The following HSPA4L variants were observed in gnomAD, a reference collection of about 807,000 sequenced individuals.
HSPA4L encodes heat shock protein family A (Hsp70) member 4 like, also known as heat shock 70 kDa protein 4L.
In HSPA4L, 48 loss-of-function variants were observed where a neutral mutation model predicts 100.3. That is an observed-to-expected ratio of 0.48 (90% CI 0.38 to 0.61). The LOEUF is 0.61. Ranked by LOEUF, HSPA4L falls within the 20% of genes least tolerant of loss-of-function variation. The pLI is 0.00. For missense variants in HSPA4L, 886 were observed against 988.6 expected (o/e 0.90, Z 1.39); for synonymous variants, 319 against 328.2 (o/e 0.97, Z 0.30).
intron 1 of HSPA4L, among the ~76,000 whole-genome samples, chr4:127,784,215 T>A (rs925549293): frequency 4.6e-5 from 7 of 152,354 alleles, no homozygotes; most frequent in African/African-American, 1.7e-4. Context: ...ACTCTCAACC[T>A]ATAGAGAAAA....
At chr4:127,799,738 G>A (rs187940871) in intron 4 of HSPA4L, among the ~76,000 whole-genome samples, 1 of 152,152 alleles carries the variant, frequency 6.6e-6, no homozygotes, top group Non-Finnish European at 1.5e-5. Flanking sequence ...TATTAACTTT[G>A]TGGTTGGTGC....
chr4:127,816,508 G>A (rs1487044061), intron 12 of HSPA4L, among the ~76,000 whole-genome samples: 1 of 152,082 alleles, frequency 6.6e-6, no homozygotes, highest in Non-Finnish European at 1.5e-5. Flanking sequence ...CTAGTGGCAT[G>A]ACTAGATAGT....
At position 127,836,999 on chromosome 4, in the gene HSPA4L, G is replaced by A. The variant is rs1578731154; in HGVS notation, c.*4125G>A. On this transcript the variant is annotated 3_prime_UTR_variant, in exon 19 of 19. Transcript: ENST00000296464. ...TTTGTTACCCAGGCTGGATTGCAAT[G>A]GGGTGATCTAGGCTCACTGCAGCCT... 6.6e-6 allele frequency: 1 copy of A among 151,846 alleles called. No individual in the cohort carries two copies. Among genetic ancestry groups the A allele is most frequent in the African/African-American group, 2.4e-5 (1 of 41,320 alleles). 9.4% of individuals were successfully genotyped at this position (151,846 alleles called of 1,614,324 possible).
At chr4:127,819,457 TCTGA>T (rs367549286) in intron 13 of HSPA4L, among the ~76,000 whole-genome samples, 23 of 152,326 alleles carry the variant, frequency 1.5e-4, no homozygotes, top group South Asian at 1.4e-3. Flanking sequence ...AAACTTTTTT[TCTGA>T]CTTTTTCAAA....
rs1033733325 is a variant in HSPA4L, at chr4:127,832,708, T to C, written c.2354T>C (p.Ile785Thr). The change falls in exon 19 of 19, where the codon ATC (isoleucine) becomes ACC (threonine). Residue 785 changes from isoleucine to threonine, a missense_variant. Physicochemically the swap from Ile to Thr is moderately conservative, Grantham distance 89. Transcript: ENST00000296464. ...SKELDNFCNP[I>T]IYKPKPKAEV... ...GAACTGGATAATTTCTGTAACCCCA[T>C]CATTTACAAGCCCAAACCAAAAGCA... 1 of 1,611,344 alleles carries C rather than the reference T, an allele frequency of 6.2e-7. No homozygotes were observed. The highest frequency in any genetic ancestry group is 8.5e-7 in the Non-Finnish European group (1 of 1,178,786).
chr4:127,783,814 A>G (rs912280203), intron 1 of HSPA4L: 14 of 736,088 alleles, frequency 1.9e-5, no homozygotes, highest in Non-Finnish European at 3.0e-5. Context: ...AAAATATGGC[A>G]AAAAGATGTT....
At chr4:127,803,901 G>T (rs542616161) in intron 7 of HSPA4L, 28 bp downstream of exon 7, 2 of 1,609,856 alleles carry the variant, frequency 1.2e-6, no homozygotes, top group Admixed American at 1.7e-5. Flanking sequence ...AGTTTGAAAA[G>T]TGTTTACTTA....
chr4:127,798,769 T>C, intron 4 of HSPA4L, 60 bp downstream of exon 4: 1 of 1,485,348 alleles, frequency 6.7e-7, no homozygotes, highest in South Asian at 1.2e-5. Context: ...ATTAATGTAA[T>C]ATTGAAAGAT....
chr4:127,784,853 C>G (rs1437399638), intron 1 of HSPA4L, among the ~76,000 whole-genome samples: 1 of 152,190 alleles, frequency 6.6e-6, no homozygotes, highest in Non-Finnish European at 1.5e-5. Context: ...TTTAATAACA[C>G]ACATAAATAA....
chr4:127,833,968 T>C lies in HSPA4L; in HGVS notation c.*1094T>C, dbSNP rs1734149026. ...AAATATAGAATGTTACATAGTGTTG[T>C]GTGATTAAATTATAGTTCCTGCTGT... On this transcript the variant is annotated 3_prime_UTR_variant, in exon 19 of 19. Transcript: ENST00000296464. The C allele has an allele frequency of 6.6e-6, 1 of 152,176 alleles. No individual in the cohort carries two copies. The highest frequency in any genetic ancestry group is 6.5e-5 in the Admixed American group (1 of 15,282). The allele number at this position is 152,176 out of a possible 1,614,324, so 9.4% of individuals were successfully genotyped here.
At chr4:127,809,379 C>T in intron 11 of HSPA4L, 1 of 1,204,930 alleles carries the variant, frequency 8.3e-7, no homozygotes, top group Non-Finnish European at 1.2e-6. Flanking sequence ...GGCAGCTTTG[C>T]AGCATGCTCA....
intron 17 of HSPA4L, among the ~76,000 whole-genome samples, chr4:127,830,039 C>T (rs1273965328): frequency 6.6e-6 from 1 of 151,994 alleles, no homozygotes; most frequent in Non-Finnish European, 1.5e-5. Flanking sequence ...CATCACCATC[C>T]TCCCACTTCT....
chr4:127,814,798 C>T (rs1733630021), intron 12 of HSPA4L, among the ~76,000 whole-genome samples: 1 of 152,138 alleles, frequency 6.6e-6, no homozygotes, highest in African/African-American at 2.4e-5. Context: ...AACTCCTGAC[C>T]TTGTGATCCA....
chr4:127,799,124 T>C (rs1273953139), intron 4 of HSPA4L, among the ~76,000 whole-genome samples: 1 of 152,146 alleles, frequency 6.6e-6, no homozygotes, highest in African/African-American at 2.4e-5. Context: ...TACCGTCTTA[T>C]CTCTTGAGGT....
intron 4 of HSPA4L, 82 bp from the exon 5 acceptor site, chr4:127,801,056 T>C (rs1156801356): frequency 1.8e-5 from 18 of 983,374 alleles, no homozygotes; most frequent in Non-Finnish European, 2.7e-5. Context: ...AAACTGTACA[T>C]AAGTTTTAGG....
rs72681846 is a variant in HSPA4L at position 127,803,997 on chromosome 4, C to G, written c.909-14C>G. The G allele has an allele frequency of 4.4e-3, 7,106 of 1,613,542 alleles. 40 individuals are homozygous for G. The highest frequency in any genetic ancestry group is 4.9e-3 in the Non-Finnish European group (5,800 of 1,179,672). ...TAATCCCAGAATAATGAATTTTATT[C>G]TATTTTCTCACAGGGCTCAATTTGA... On this transcript the variant is annotated splice_polypyrimidine_tract_variant and intron_variant, in intron 7 of 18. Coordinates refer to ENST00000296464, the MANE Select transcript of HSPA4L (RefSeq NM_014278.4).
chr4:127,818,290 C>T (rs1156271505), intron 12 of HSPA4L, 35 bp from the exon 13 acceptor site: 1 of 1,407,638 alleles, frequency 7.1e-7, no homozygotes, highest in Non-Finnish European at 1.0e-6. Context: ...AAAAAAGACA[C>T]TGCGTATATT....
chr4:127,790,969 A>T (rs949230205), intron 1 of HSPA4L, among the ~76,000 whole-genome samples: 1 of 152,094 alleles, frequency 6.6e-6, no homozygotes, highest in Non-Finnish European at 1.5e-5. Context: ...AAATTTTAAA[A>T]ATCAGCCAGT....
chr4:127,789,802 ATG>A (rs1732823289), intron 1 of HSPA4L, among the ~76,000 whole-genome samples: 2 of 152,180 alleles, frequency 1.3e-5, no homozygotes, highest in Non-Finnish European at 2.9e-5. Flanking sequence ...TCAGCCTAAT[ATG>A]TGTTATAATG....
Sources: allele counts gnomAD v4.1 joint callset (sites outside exome capture counted in the v4.1 genomes callset), GRCh38; gene constraint gnomAD v4.1.1; transcripts MANE v1.5; gene names NCBI Gene and HGNC (gene_info 2026-07-23, HGNC 2026-07-21).